The following KIF5A variants were observed in gnomAD, a reference collection of about 807,000 sequenced individuals.
KIF5A encodes the protein kinesin family member 5A.
KIF5A carries 35 observed loss-of-function variants against 141.3 expected under a neutral mutation model. The ratio of observed to expected loss-of-function variants is 0.25; its 90% CI spans 0.19 to 0.33. The LOEUF is 0.33. KIF5A is among the 10% of genes least tolerant of loss of function. The pLI is 1.00. For synonymous variants in KIF5A, 448 were observed against 500.2 expected, an observed-to-expected ratio of 0.90 and a Z score of 1.39; for missense variants, 861 against 1,314.3, an observed-to-expected ratio of 0.66 and a Z score of 5.33.
chr12:57,558,471 C>T (rs1266606920), intron 1 of KIF5A, among the ~76,000 whole-genome samples: 14 of 152,076 alleles, frequency 9.2e-5, no homozygotes, highest in Admixed American at 9.2e-4. Flanking sequence ...GTCAGGAGTT[C>T]AAGACCAGCC....
intron 1 of KIF5A, among the ~76,000 whole-genome samples, chr12:57,558,425 C>T (rs1225755647): frequency 6.7e-6 from 1 of 148,620 alleles, no homozygotes; most frequent in Non-Finnish European, 1.5e-5. Context: ...CCTGTAATCT[C>T]AGCATTGGGA....
Position 57,575,210 on chromosome 12 carries a change from T to G in KIF5A, c.1843T>G (p.Cys615Gly), listed in dbSNP as rs1594921908. ...CRQLENLQVE[C>G]HRKMEVTGRE... ...GCAGCTGGAGAACCTCCAGGTGGAG[T>G]GTCACCGCAAGATGGAAGTGACCGG... is the stretch of plus-strand genomic sequence containing the variant. The change falls in exon 16 of 29, where the codon TGT (cysteine) becomes GGT (glycine). Residue 615 changes from cysteine (C) to glycine (G), a missense_variant. Cys to Gly is a radical substitution (Grantham distance 159). Coordinates refer to ENST00000455537, the MANE Select transcript of KIF5A (RefSeq NM_004984.4). 3 of 1,613,618 alleles carry G rather than the reference T, an allele frequency of 1.9e-6. No homozygotes were observed. Among genetic ancestry groups the G allele is most frequent in the Non-Finnish European group, 2.5e-6 (3 of 1,179,900 alleles).
intron 1 of KIF5A, among the ~76,000 whole-genome samples, chr12:57,551,020 G>A (rs1363951227): frequency 3.9e-5 from 6 of 152,034 alleles, no homozygotes; most frequent in Admixed American, 3.9e-4. Context: ...GGAATCCTAA[G>A]GTCAGGTCTG....
intron 8 of KIF5A, among the ~76,000 whole-genome samples, chr12:57,568,663 T>A (rs1205016471): frequency 6.6e-6 from 1 of 151,496 alleles, no homozygotes; most frequent in Non-Finnish European, 1.5e-5. Context: ...AGGCGGAGGT[T>A]GTGGTGAGCT....
At position 57,569,933 on chromosome 12, in the gene KIF5A, C is replaced by T. The variant is rs948537999; in HGVS notation, c.1118-54C>T. On this transcript the variant is annotated intron_variant, in intron 11 of 28. Transcript: ENST00000455537. ...GCATGGTGAGTGAGAAGGAAGAACT[C>T]GTGGATGCAGCTTCTTCTTCTTCCA... 8.8e-6 allele frequency: 14 copies of T among 1,583,278 alleles called. No homozygotes were observed. The East Asian group carries it at 1.1e-4, about 13-fold the overall frequency.
At chr12:57,582,134 C>A (rs548734327) in intron 26 of KIF5A, among the ~76,000 whole-genome samples, 182 bp downstream of exon 26, 178 of 151,942 alleles carry the variant, frequency 1.2e-3, no homozygotes, top group Middle Eastern at 3.4e-3. Context: ...GTCCTAGCTA[C>A]TTGGGAGGTT....
chr12:57,564,947 G>T lies in KIF5A; in HGVS notation c.475G>T (p.Asp159Tyr). The T allele has an allele frequency of 6.2e-7, 1 of 1,614,200 alleles. No individual in the cohort carries two copies. Among genetic ancestry groups the T allele is most frequent in the African/African-American group, 1.3e-5 (1 of 75,050 alleles). ...CAAGACAAATCTGTCCGTGCACGAG[G>T]ACAAGAACCGGGTGCCATTTGTCAA... is the stretch of plus-strand genomic sequence containing the variant. ...VTKTNLSVHEDKNRVPFVKGC... is the reference protein window; with the variant it reads ...VTKTNLSVHEYKNRVPFVKGC... Residue 159 changes from aspartate (D) to tyrosine (Y), a missense_variant, in exon 6 of 29, where the codon GAC becomes TAC. Coordinates refer to ENST00000455537, the MANE Select transcript of KIF5A (RefSeq NM_004984.4).
chr12:57,563,553 C>T, intron 2 of KIF5A, 27 bp downstream of exon 2: 1 of 1,606,572 alleles, frequency 6.2e-7, no homozygotes, highest in Non-Finnish European at 8.5e-7. Context: ...TAGAATGTCT[C>T]TTCTCAGCAC....
At position 57,572,010 on chromosome 12, in the gene KIF5A, A is replaced by G. The variant is rs1460528797; in HGVS notation, c.1363-51A>G. On this transcript the variant is annotated intron_variant, in intron 13 of 28. Coordinates refer to ENST00000455537, the MANE Select transcript of KIF5A (RefSeq NM_004984.4). The surrounding 1 kb of genome is among the most constrained non-coding windows in gnomAD (Gnocchi z 4.2). ...CAGCTTCCCAGACCCAAGGCCATAG[A>G]AATGGTCACTGGCAGTGATCTTTCC... is the stretch of plus-strand genomic sequence containing the variant. The G allele has an allele frequency of 2.0e-6, 3 of 1,523,220 alleles. No individual in the cohort carries two copies. The highest frequency in any genetic ancestry group is 2.3e-5 in the East Asian group (1 of 44,064). 94.4% of individuals were successfully genotyped at this position (1,523,220 alleles called of 1,614,324 possible).
chr12:57,562,557 G>C (rs1041265208), intron 1 of KIF5A, among the ~76,000 whole-genome samples: 3 of 152,210 alleles, frequency 2.0e-5, no homozygotes, highest in African/African-American at 7.2e-5. Flanking sequence ...TTCTTAAAGG[G>C]AGACCCACAT....
At chr12:57,575,531 A>G in intron 16 of KIF5A, 109 bp from the exon 17 acceptor site, 1 of 989,090 alleles carries the variant, frequency 1.0e-6, no homozygotes, top group Non-Finnish European at 1.6e-6. Context: ...CCTCATGGGA[A>G]GTGTAGCAGG....
rs117327204 is a variant in KIF5A, at chr12:57,559,427, T to G, written c.130-4012T>G. Among the ~76,000 whole-genome samples, 836 of 152,322 alleles carry G rather than the reference T, an allele frequency of 5.5e-3. 5 individuals are homozygous for G. Among genetic ancestry groups the G allele is most frequent in the Non-Finnish European group, 8.9e-3 (606 of 68,022 alleles). On this transcript the variant is annotated intron_variant, in intron 1 of 28. Coordinates refer to ENST00000455537, the MANE Select transcript of KIF5A (RefSeq NM_004984.4). Reference sequence around the variant, plus strand: ...TAGGTAAAAATGGTGTTTCATAGTTTTAATATGCATTTTGCTTATTAACAG... The same window carrying G: ...TAGGTAAAAATGGTGTTTCATAGTTGTAATATGCATTTTGCTTATTAACAG...
At position 57,564,956 on chromosome 12, in the gene KIF5A, C is replaced by T. The variant is rs748551786; in HGVS notation, c.484C>T (p.Arg162Trp). ...TNLSVHEDKN[R>W]VPFVKGCTER... ...TCTGTCCGTGCACGAGGACAAGAACCGGGTGCCATTTGTCAAGGTGAGAGT... is the reference window on the plus strand; with the variant it reads ...TCTGTCCGTGCACGAGGACAAGAACTGGGTGCCATTTGTCAAGGTGAGAGT... Residue 162 changes from arginine to tryptophan, a missense_variant, in exon 6 of 29, where the codon CGG becomes TGG. By Grantham distance (101) the Arg-to-Trp change is moderately radical. Around this residue, in one of 5 missense-constraint regions of KIF5A, gnomAD observed 146 missense variants for 353.4 expected, o/e 0.41. Coordinates refer to ENST00000455537, the MANE Select transcript of KIF5A (RefSeq NM_004984.4). 3 of 1,614,126 alleles carry T rather than the reference C, an allele frequency of 1.9e-6. No homozygotes were observed. Among genetic ancestry groups the T allele is most frequent in the South Asian group, 2.2e-5 (2 of 91,080 alleles).
chr12:57,578,835 G>A (rs1436373159), intron 23 of KIF5A, among the ~76,000 whole-genome samples: 2 of 152,048 alleles, frequency 1.3e-5, no homozygotes, highest in Admixed American at 6.5e-5. Flanking sequence ...AAGCCGAGGC[G>A]GGCGGATCAC....
chr12:57,575,848 C>A (rs1473582356), intron 17 of KIF5A, 91 bp downstream of exon 17: 19 of 1,047,014 alleles, frequency 1.8e-5, no homozygotes, highest in Non-Finnish European at 2.9e-5. Context: ...TCACTCAAAG[C>A]ATTAGCTTGA....
rs1211032099 is a variant in KIF5A, at chr12:57,584,404, C to T, written c.*223C>T. ...TGCTATGTCTCTCTTCTGTCTTATTCTCAAGTATCTACTGATGTATTTAGC... is the reference window on the plus strand; with the variant it reads ...TGCTATGTCTCTCTTCTGTCTTATTTTCAAGTATCTACTGATGTATTTAGC... On this transcript the variant is annotated 3_prime_UTR_variant, in exon 29 of 29. Transcript: ENST00000455537. 1 of 152,746 alleles carries T rather than the reference C, an allele frequency of 6.5e-6. No individual in the cohort carries two copies. The highest frequency in any genetic ancestry group is 2.4e-5 in the African/African-American group (1 of 41,550). The allele number at this position is 152,746 out of a possible 1,614,324, so 9.5% of individuals were successfully genotyped here.
chr12:57,583,088 T>C lies in KIF5A; in HGVS notation c.3021-13T>C, dbSNP rs1882655184. On this transcript the variant is annotated splice_polypyrimidine_tract_variant and intron_variant, in intron 27 of 28. Coordinates refer to ENST00000455537, the MANE Select transcript of KIF5A (RefSeq NM_004984.4). ...TTTCTATGGAGCTGATCATGGTGGG[T>C]CTCTTCCTCCAGGAGTGACCTGCCG... 1.2e-6 allele frequency: 2 copies of C among 1,609,762 alleles called. No individual in the cohort carries two copies. The highest frequency in any genetic ancestry group is 1.3e-5 in the African/African-American group (1 of 74,772).
chr12:57,576,516 C>T, intron 19 of KIF5A, 138 bp downstream of exon 19: 1 of 755,060 alleles, frequency 1.3e-6, no homozygotes, highest in Non-Finnish European at 2.3e-6. Flanking sequence ...CGTAGCCCCA[C>T]CTCAGGAGAC....
chr12:57,584,006 GA>G (rs1882684321), intron 28 of KIF5A, among the ~76,000 whole-genome samples: 1 of 152,048 alleles, frequency 6.6e-6, no homozygotes, highest in Non-Finnish European at 1.5e-5. Context: ...AAAAGTCTGA[GA>G]AGCAGAGAAG....
Sources: allele counts gnomAD v4.1 joint callset (sites outside exome capture counted in the v4.1 genomes callset), GRCh38; gene constraint gnomAD v4.1.1; regional missense constraint gnomAD v4.1.1; non-coding constraint Gnocchi (gnomAD v3.1); transcripts MANE v1.5; gene names NCBI Gene and HGNC (gene_info 2026-07-23, HGNC 2026-07-21).